Variants in IMMP2L observed in about 807,000 individuals in gnomAD.
IMMP2L encodes the protein inner mitochondrial membrane peptidase subunit 2.
In IMMP2L, 18 loss-of-function variants were observed where a neutral mutation model predicts 19.3. The ratio of observed to expected loss-of-function variants is 0.93; its 90% CI spans 0.64 to 1.38. The LOEUF (loss-of-function observed/expected upper bound fraction) is 1.38, where lower values mean the gene tolerates loss of function less well. Ranked by LOEUF, IMMP2L falls within the 40% of genes most tolerant of loss-of-function variation. The pLI, the probability that IMMP2L is intolerant of heterozygous loss-of-function variation, is 0.00. For missense variants in IMMP2L, 233 were observed against 218.2 expected, an observed-to-expected ratio of 1.07 and a Z score of -0.43; for synonymous variants, 76 against 73.0, an observed-to-expected ratio of 1.04 and a Z score of -0.21.
At chr7:111,347,795 T>G (rs1037119189) in intron 3 of IMMP2L, among the ~76,000 whole-genome samples, 1 of 152,058 alleles carries the variant, frequency 6.6e-6, no homozygotes, top group African/African-American at 2.4e-5. Flanking sequence ...ACTCAATCTT[T>G]CAAGGCCCAA....
chr7:111,055,090 G>A (rs563536635), intron 3 of IMMP2L, among the ~76,000 whole-genome samples: 58 of 143,772 alleles, frequency 4.0e-4, no homozygotes, highest in African/African-American at 1.1e-3. Flanking sequence ...CCACTCTGTC[G>A]CCCAGGCTGG....
rs1841965272 is a variant in IMMP2L at position 111,479,068 on chromosome 7, G to C, written c.239+8170C>G. On this transcript the variant is annotated intron_variant, in intron 3 of 5. Coordinates refer to ENST00000405709, the MANE Select transcript of IMMP2L (RefSeq NM_032549.4). Reference sequence around the variant, plus strand: ...AGCCCCACAAGAATTCCAATGAAAAGCTTAGAGTGTTTTACCAGGGTCCTT... The same window carrying C: ...AGCCCCACAAGAATTCCAATGAAAACCTTAGAGTGTTTTACCAGGGTCCTT... Among the ~76,000 whole-genome samples, 5 of 152,218 alleles carry C rather than the reference G, an allele frequency of 3.3e-5. No individual in the cohort carries two copies. In the South Asian group the frequency reaches 1.0e-3, roughly 32 times the overall value.
chr7:110,863,918 C>T (rs1807714308), intron 5 of IMMP2L, among the ~76,000 whole-genome samples: 1 of 152,202 alleles, frequency 6.6e-6, no homozygotes, highest in East Asian at 1.9e-4. Context: ...CAGACATATT[C>T]TCTTCCCACA....
At chr7:110,902,933 A>G (rs1416429145) in intron 4 of IMMP2L, among the ~76,000 whole-genome samples, 1 of 35,978 alleles carries the variant, frequency 2.8e-5, no homozygotes, top group Non-Finnish European at 4.5e-5. Flanking sequence ...CTCCGTCTCA[A>G]AAAAAAAAAA....
intron 3 of IMMP2L, among the ~76,000 whole-genome samples, chr7:111,399,032 T>C (rs896347218): frequency 6.6e-6 from 1 of 152,048 alleles, no homozygotes; most frequent in Non-Finnish European, 1.5e-5. Context: ...AGAATCAATA[T>C]TGTGAAAATG....
At chr7:111,437,717 T>C (rs1314732935) in intron 3 of IMMP2L, among the ~76,000 whole-genome samples, 1 of 151,962 alleles carries the variant, frequency 6.6e-6, no homozygotes, top group South Asian at 2.1e-4. Context: ...TATATTCCTA[T>C]CTTATTTATT....
At chr7:111,281,156 CAGAAAGAAAGAAAG>C (rs1819709751) in intron 3 of IMMP2L, among the ~76,000 whole-genome samples, 1 of 67,814 alleles carries the variant, frequency 1.5e-5, no homozygotes, top group Non-Finnish European at 2.7e-5. Context: ...GACAGAAAGA[CAGAAAGAAAGAAAG>C]AAAGAAAGAA....
chr7:111,427,180 T>C (rs953415359), intron 3 of IMMP2L, among the ~76,000 whole-genome samples: 4 of 145,046 alleles, frequency 2.8e-5, no homozygotes, highest in Non-Finnish European at 6.3e-5. Context: ...GATAGAAATA[T>C]CAGTGGACCT....
At chr7:110,742,279 C>T (rs114303710) in intron 5 of IMMP2L, among the ~76,000 whole-genome samples, 1 of 151,978 alleles carries the variant, frequency 6.6e-6, no homozygotes, top group Non-Finnish European at 1.5e-5. Context: ...AATAACATAA[C>T]CAAAAGGCTT....
chr7:111,273,743 T>C (rs545863699), intron 3 of IMMP2L, among the ~76,000 whole-genome samples: 7 of 152,158 alleles, frequency 4.6e-5, no homozygotes, highest in African/African-American at 1.4e-4. Context: ...AGCAAAATCA[T>C]AGCCAAAACC....
intron 3 of IMMP2L, among the ~76,000 whole-genome samples, chr7:111,048,262 A>AG (rs1792639747): frequency 6.7e-6 from 1 of 148,436 alleles, no homozygotes; most frequent in Non-Finnish European, 1.5e-5. Flanking sequence ...AAAAAAAAAA[A>AG]AAAGAAAAAA....
intron 5 of IMMP2L, among the ~76,000 whole-genome samples, chr7:110,761,694 T>C (rs942343095): frequency 1.1e-4 from 16 of 152,298 alleles, no homozygotes; most frequent in Admixed American, 9.8e-4. Context: ...ACAACTATCT[T>C]GTGAAGCAAA....
At chr7:111,211,550 A>C (rs1811309941) in intron 3 of IMMP2L, among the ~76,000 whole-genome samples, 1 of 152,198 alleles carries the variant, frequency 6.6e-6, no homozygotes, top group Admixed American at 6.5e-5. Flanking sequence ...GATTCTGACC[A>C]AGGGTATGTG....
intron 3 of IMMP2L, among the ~76,000 whole-genome samples, chr7:111,349,229 T>G (rs193092417): frequency 2.0e-3 from 305 of 152,214 alleles, no homozygotes; most frequent in Non-Finnish European, 3.6e-3. Flanking sequence ...AAATAACAAA[T>G]TAAATAAAAT....
chr7:110,700,185 C>T (rs1282721857), intron 5 of IMMP2L, among the ~76,000 whole-genome samples: 2 of 152,174 alleles, frequency 1.3e-5, no homozygotes, highest in African/African-American at 4.8e-5. Flanking sequence ...CAAGCCACTA[C>T]GTTTGTGGTA....
At chr7:110,953,491 C>T (rs1003733118) in intron 4 of IMMP2L, among the ~76,000 whole-genome samples, 3 of 152,106 alleles carry the variant, frequency 2.0e-5, no homozygotes, top group Non-Finnish European at 2.9e-5. Flanking sequence ...CTGCAAAGGA[C>T]ATGAACTCAT....
intron 4 of IMMP2L, among the ~76,000 whole-genome samples, chr7:110,949,789 A>T (rs1241262363): frequency 6.6e-6 from 1 of 152,166 alleles, no homozygotes; most frequent in Non-Finnish European, 1.5e-5. Flanking sequence ...AACACGTCGC[A>T]ATATGCAGGA....
chr7:111,041,834 T>C (rs958727762), intron 3 of IMMP2L, among the ~76,000 whole-genome samples: 4 of 152,144 alleles, frequency 2.6e-5, no homozygotes, highest in Non-Finnish European at 5.9e-5. Context: ...TGAGGCAATC[T>C]AGTGTAGTTA....
chr7:111,013,825 T>C (rs1585747530), intron 3 of IMMP2L, among the ~76,000 whole-genome samples: 1 of 148,894 alleles, frequency 6.7e-6, no homozygotes, highest in East Asian at 1.9e-4. Flanking sequence ...AGACTGCTTA[T>C]TTTTTTTTTC....
Sources: gnomAD v4.1 joint callset for allele counts (sites outside exome capture counted in the v4.1 genomes callset) on GRCh38, gnomAD v4.1.1 for gene constraint, MANE v1.5 for transcripts, NCBI Gene and HGNC (gene_info 2026-07-23, HGNC 2026-07-21) for gene names.